SIDT1: variants seen among roughly 807,000 people sequenced by gnomAD.
The protein encoded by SIDT1 is SID1 transmembrane family member 1, also known as SID1 transmembrane family, member 1.
In SIDT1, 101 loss-of-function variants were observed where a neutral mutation model predicts 107.5. The ratio of observed to expected loss-of-function variants is 0.94; its 90% confidence interval spans 0.80 to 1.11. SIDT1 has a LOEUF of 1.11. Among genes scored for constraint, SIDT1 ranks in the 50% least tolerant of loss-of-function variants. The pLI is 0.00. For missense variants in SIDT1, 1,076 were observed against 1,058.2 expected (o/e 1.02, Z -0.23); for synonymous variants, 395 against 398.2 (o/e 0.99, Z 0.10).
In SIDT1 at chr3:113,627,892, G is replaced by A. The variant is rs41271375; in HGVS notation, c.*184G>A. 4.9e-6 allele frequency: 3 copies of A among 606,848 alleles called. No homozygotes were observed. The highest frequency in any genetic ancestry group is 1.9e-5 in the African/African-American group (1 of 53,950). 37.6% of individuals were successfully genotyped at this position (606,848 alleles called of 1,614,324 possible). ...TAAACCTGCAAGAAAGGAGGCAGAA[G>A]GGGAGCCATGTTTTGAGGACAGACG... On this transcript the variant is annotated 3_prime_UTR_variant, in exon 25 of 25. Coordinates refer to ENST00000264852, the MANE Select transcript of SIDT1 (RefSeq NM_017699.3).
intron 9 of SIDT1, among the ~76,000 whole-genome samples, chr3:113,592,396 G>T (rs758511428): frequency 6.6e-6 from 1 of 152,118 alleles, no homozygotes. Flanking sequence ...GAAAACTGAT[G>T]AATGAATAAA....
At chr3:113,611,176 C>T (rs747664472) in intron 18 of SIDT1, 32 bp downstream of exon 18, 11 of 1,608,202 alleles carry the variant, frequency 6.8e-6, no homozygotes, top group Non-Finnish European at 9.4e-6. Flanking sequence ...ACCTGGCTCT[C>T]GAAAAGTGCC....
At chr3:113,624,221 C>T (rs1576997113) in intron 23 of SIDT1, among the ~76,000 whole-genome samples, 1 of 152,214 alleles carries the variant, frequency 6.6e-6, no homozygotes, top group East Asian at 1.9e-4. Context: ...TTCTGTCACT[C>T]CGGAAAGAAA....
intron 3 of SIDT1, among the ~76,000 whole-genome samples, chr3:113,570,056 C>A (rs1942303295): frequency 6.6e-6 from 1 of 152,086 alleles, no homozygotes; most frequent in East Asian, 1.9e-4. Flanking sequence ...CAGGTGTGTG[C>A]CACCATGCCC....
At chr3:113,552,430 G>A (rs1381691087) in intron 1 of SIDT1, among the ~76,000 whole-genome samples, 1 of 152,172 alleles carries the variant, frequency 6.6e-6, no homozygotes, top group African/African-American at 2.4e-5. Context: ...GAAAAGGAAA[G>A]AGGACATAGG....
intron 4 of SIDT1, among the ~76,000 whole-genome samples, chr3:113,579,198 C>T (rs944115256): frequency 7.2e-5 from 11 of 152,094 alleles, no homozygotes; most frequent in African/African-American, 1.9e-4. Context: ...GGGTATTTGT[C>T]GTTCGCTTCT....
intron 4 of SIDT1, among the ~76,000 whole-genome samples, chr3:113,579,182 T>C (rs1228698907): frequency 6.6e-6 from 1 of 152,220 alleles, no homozygotes; most frequent in African/African-American, 2.4e-5. Flanking sequence ...TTCCAGCCAC[T>C]GCTTTGGGTA....
chr3:113,635,025 G>T, the SIDT1 span, among the ~76,000 whole-genome samples: 1 of 152,140 alleles, frequency 6.6e-6, no homozygotes, highest in South Asian at 2.1e-4. Context: ...AAGAACCAAA[G>T]TCCTTTTTAT....
chr3:113,636,795 G>A, the SIDT1 span, among the ~76,000 whole-genome samples: 2 of 152,140 alleles, frequency 1.3e-5, no homozygotes, highest in East Asian at 1.9e-4. Flanking sequence ...AGGAGGAAAC[G>A]GGCAAAGGAG....
chr3:113,542,360 TCTTTTTA>T (rs1939011279), intron 1 of SIDT1, among the ~76,000 whole-genome samples: 1 of 152,170 alleles, frequency 6.6e-6, no homozygotes, highest in East Asian at 1.9e-4. Context: ...TTAGGGATTC[TCTTTTTA>T]CTTATGTTGG....
intron 5 of SIDT1, 144 bp from the exon 6 acceptor site, chr3:113,581,217 A>G (rs1943308815): frequency 1.5e-6 from 1 of 676,558 alleles, no homozygotes; most frequent in African/African-American, 1.8e-5. Context: ...ATGACTGTTC[A>G]AGGGGGGAAA....
chr3:113,568,832 A>G (rs1044960252), intron 3 of SIDT1, among the ~76,000 whole-genome samples: 1 of 151,960 alleles, frequency 6.6e-6, no homozygotes, highest in Non-Finnish European at 1.5e-5. Flanking sequence ...ACATCTCACA[A>G]TGTTGAGAAA....
intron 1 of SIDT1, among the ~76,000 whole-genome samples, chr3:113,535,023 A>C (rs1343282815): frequency 1.3e-5 from 2 of 152,222 alleles, no homozygotes; most frequent in African/African-American, 4.8e-5. Context: ...CTGTAATCCC[A>C]GCACTCTGGA....
intron 9 of SIDT1, chr3:113,588,853 T>A (rs1449788035): frequency 6.7e-6 from 1 of 150,244 alleles, no homozygotes; most frequent in East Asian, 2.0e-4. Context: ...CAGCAATACA[T>A]GTTTAAGTTT....
chr3:113,618,042 C>T (rs374760276), intron 20 of SIDT1, among the ~76,000 whole-genome samples: 1 of 152,200 alleles, frequency 6.6e-6, no homozygotes, highest in East Asian at 1.9e-4. Flanking sequence ...TCATACAAGA[C>T]AGTTCCACTG....
chr3:113,611,190 CT>C (rs1362561973), intron 18 of SIDT1, 46 bp downstream of exon 18: 3 of 1,595,754 alleles, frequency 1.9e-6, no homozygotes, highest in African/African-American at 2.7e-5. Flanking sequence ...AAGTGCCCCC[CT>C]AGGTCCAATA....
At position 113,591,978 on chromosome 3, in the gene SIDT1, G is replaced by A. The variant is rs139494042; in HGVS notation, c.1002-1027G>A. 2.7e-3 allele frequency among the ~76,000 whole-genome samples: 417 copies of A among 152,326 alleles called. 1 individual carries two copies. Among genetic ancestry groups the A allele is most frequent in the African/African-American group, 9.2e-3 (383 of 41,566 alleles). On this transcript the variant is annotated intron_variant, in intron 9 of 24. Coordinates refer to ENST00000264852, the MANE Select transcript of SIDT1 (RefSeq NM_017699.3). ...TCAGCCATAAAAAGACTGAAGTACT[G>A]ACGCATACTACAGCATGGATGAACC...
In SIDT1 at chr3:113,610,880, C is replaced by A; in HGVS notation, c.1721-128C>A. ...TGACATGTTAGAGGTCTCCACACAG[C>A]CTGCGGGTAGAAAATAGTCCATGGA... On this transcript the variant is annotated intron_variant, in intron 17 of 24. Coordinates refer to ENST00000264852, the MANE Select transcript of SIDT1 (RefSeq NM_017699.3). 2.6e-6 allele frequency: 3 copies of A among 1,158,450 alleles called. No homozygotes were observed. In the East Asian group the frequency reaches 7.1e-5, roughly 27 times the overall value. The allele number at this position is 1,158,450 out of a possible 1,614,324, so 71.8% of individuals were successfully genotyped here.
intron 13 of SIDT1, among the ~76,000 whole-genome samples, chr3:113,604,447 C>A (rs111997785): frequency 2.0e-5 from 3 of 152,204 alleles, no homozygotes; most frequent in Admixed American, 6.5e-5. Context: ...TCATTACTTA[C>A]ACTCTGATGT....
Sources: gnomAD v4.1 joint callset for allele counts (sites outside exome capture counted in the v4.1 genomes callset) on GRCh38, gnomAD v4.1.1 for gene constraint, MANE v1.5 for transcripts, NCBI Gene and HGNC (gene_info 2026-07-23, HGNC 2026-07-21) for gene names.